Variants in SLC5A1 observed in about 807,000 individuals in gnomAD.
SLC5A1 encodes the protein sodium/glucose cotransporter 1.
A neutral mutation model predicts 73.5 loss-of-function variants in SLC5A1; 42 were observed. The observed-to-expected ratio is 0.57, with a 90% confidence interval of 0.45 to 0.74. The LOEUF is 0.74. SLC5A1 is among the 30% of genes least tolerant of loss of function. SLC5A1 has a pLI of 0.00. For missense variants in SLC5A1, 634 were observed against 855.4 expected (o/e 0.74, Z 3.23); for synonymous variants, 300 against 317.4 (o/e 0.95, Z 0.58).
intron 13 of SLC5A1, among the ~76,000 whole-genome samples, chr22:32,104,131 G>T (rs1161404623): frequency 6.6e-6 from 1 of 152,164 alleles, no homozygotes; most frequent in African/African-American, 2.4e-5. Context: ...GTCAAACAAA[G>T]ACTGCTTTTA....
In SLC5A1 at chr22:32,110,122, C is replaced by T; in HGVS notation, c.1904C>T (p.Thr635Ile). The change falls in exon 15 of 15, where the codon ACC becomes ATC. Residue 635 changes from threonine (T) to isoleucine (I), a missense_variant. Thr to Ile is a moderately conservative substitution (Grantham distance 89). This residue lies in a region of SLC5A1 where 161 missense variants were observed against 178.7 expected (regional missense o/e 0.90). Coordinates refer to ENST00000266088, the MANE Select transcript of SLC5A1 (RefSeq NM_000343.4). ...EKAMKMKMTD[T>I]SEKPLWRTVL... ...GCCATGAAGATGAAGATGACGGACA[C>T]CTCTGAGAAGCCTTTGTGGAGGACA... 6.2e-7 allele frequency: 1 copy of T among 1,614,152 alleles called. No homozygotes were observed.
At chr22:32,067,536 G>A (rs1258494171) in intron 3 of SLC5A1, among the ~76,000 whole-genome samples, 1 of 151,746 alleles carries the variant, frequency 6.6e-6, no homozygotes, top group South Asian at 2.1e-4. Context: ...CATGCTTGGC[G>A]AATTTTTTAA....
At position 32,110,160 on chromosome 22, in the gene SLC5A1, A is replaced by G; in HGVS notation, c.1942A>G (p.Asn648Asp). ...TTTGTGGAGGACAGTGTTGAACGTC[A>G]ATGGCATCATCCTGGTGACCGTGGC... The part of the protein sequence containing the change: ...KPLWRTVLNV[N>D]GIILVTVAVF... Residue 648 changes from asparagine to aspartate, a missense_variant, in exon 15 of 15, where the codon AAT becomes GAT. Transcript: ENST00000266088. 6.2e-7 allele frequency: 1 copy of G among 1,614,154 alleles called. No individual in the cohort carries two copies. Among genetic ancestry groups the G allele is most frequent in the Non-Finnish European group, 8.5e-7 (1 of 1,180,008 alleles).
intron 11 of SLC5A1, among the ~76,000 whole-genome samples, chr22:32,092,265 A>G (rs1406935970): frequency 2.0e-5 from 3 of 152,216 alleles, no homozygotes; most frequent in Non-Finnish European, 4.4e-5. Context: ...GTTGCTGCGA[A>G]TGCCATTAAT....
intron 5 of SLC5A1, among the ~76,000 whole-genome samples, chr22:32,073,514 T>C (rs1013674770): frequency 2.6e-5 from 4 of 152,138 alleles, no homozygotes; most frequent in African/African-American, 7.2e-5. Context: ...TCAGCCTCCT[T>C]TACTTTCTCC....
chr22:32,072,007 A>G (rs1244585923), intron 5 of SLC5A1, among the ~76,000 whole-genome samples: 1 of 152,144 alleles, frequency 6.6e-6, no homozygotes, highest in Non-Finnish European at 1.5e-5. Context: ...ACATTTTGCC[A>G]TTTTTGGTTC....
In SLC5A1 at chr22:32,082,012, G is replaced by C. The variant is rs768644367; in HGVS notation, c.583+41G>C. ...TAAACCAGCACCTCAAACCCAGCTCGGGATCAGGCACTAGTGAAGGATAAA... is the reference window on the plus strand; with the variant it reads ...TAAACCAGCACCTCAAACCCAGCTCCGGATCAGGCACTAGTGAAGGATAAA... On this transcript the variant is annotated intron_variant, in intron 6 of 14. Transcript: ENST00000266088. 2.4e-6 allele frequency: 3 copies of C among 1,255,640 alleles called. No individual in the cohort carries two copies. In the East Asian group the frequency reaches 6.9e-5, roughly 29 times the overall value. The allele number at this position is 1,255,640 out of a possible 1,614,324, so 77.8% of individuals were successfully genotyped here. A position where few individuals can be genotyped will look rare whatever the true frequency, so the allele number is the denominator to read the frequency against.
rs547420879 is a variant in SLC5A1 at position 32,044,423 on chromosome 22, G to A, written c.135+1007G>A. On this transcript the variant is annotated intron_variant, in intron 1 of 14. Coordinates refer to ENST00000266088, the MANE Select transcript of SLC5A1 (RefSeq NM_000343.4). Reference sequence around the variant, plus strand: ...CCCAGGGAGGCTGCTGTAGCAGCTGGTGATTGTGTTGAACTCTTTTGACTT... The same window carrying A: ...CCCAGGGAGGCTGCTGTAGCAGCTGATGATTGTGTTGAACTCTTTTGACTT... 1.6e-4 allele frequency among the ~76,000 whole-genome samples: 24 copies of A among 152,332 alleles called. No individual in the cohort carries two copies. In the South Asian group the frequency reaches 5.0e-3, roughly 32 times the overall value.
chr22:32,090,723 G>A (rs1312812506), intron 10 of SLC5A1, among the ~76,000 whole-genome samples: 2 of 151,678 alleles, frequency 1.3e-5, no homozygotes, highest in Admixed American at 1.3e-4. Context: ...TTTCTCTTGG[G>A]TAGAGAGAAA....
chr22:32,061,654 A>T (rs2093963217), intron 2 of SLC5A1, among the ~76,000 whole-genome samples: 1 of 152,176 alleles, frequency 6.6e-6, no homozygotes, highest in Non-Finnish European at 1.5e-5. Context: ...TGTTCCAAAT[A>T]ACAGAGAGGC....
intron 7 of SLC5A1, 135 bp downstream of exon 7, chr22:32,083,289 G>A: frequency 1.4e-6 from 1 of 727,950 alleles, no homozygotes. Flanking sequence ...CTTCCAAACG[G>A]AGGGTCCAGC....
intron 7 of SLC5A1, among the ~76,000 whole-genome samples, 191 bp from the exon 8 acceptor site, chr22:32,084,248 C>T (rs139707097): frequency 4.6e-4 from 70 of 152,364 alleles, no homozygotes; most frequent in African/African-American, 1.6e-3. Context: ...GGGGGCTGGG[C>T]AGGGCTACTA....
chr22:32,084,815 G>T, intron 8 of SLC5A1, 85 bp from the exon 9 acceptor site: 1 of 1,592,858 alleles, frequency 6.3e-7, no homozygotes, highest in South Asian at 1.1e-5. Flanking sequence ...CCAGGCCAAT[G>T]ACCCAAGATG....
chr22:32,067,852 TCC>T, intron 3 of SLC5A1, 113 bp from the exon 4 acceptor site: 1 of 1,061,930 alleles, frequency 9.4e-7, no homozygotes, highest in Non-Finnish European at 1.5e-6. Flanking sequence ...CTCTAACGGC[TCC>T]TTAGGGGAGA....
rs533623642 is a variant in SLC5A1 at position 32,071,727 on chromosome 22, T to TCTCA, written c.477+3128_477+3131dup. On this transcript the variant is annotated intron_variant, in intron 5 of 14. Coordinates refer to ENST00000266088, the MANE Select transcript of SLC5A1 (RefSeq NM_000343.4). ...AGCACCAAAGGCGAGATTGGTCCAATCTCAGTATCTTGCAAAAGATCTGCC... is the reference window on the plus strand; with the variant it reads ...AGCACCAAAGGCGAGATTGGTCCAATCTCACTCAGTATCTTGCAAAAGATCTGCC... 3.9e-5 allele frequency among the ~76,000 whole-genome samples: 6 copies of TCTCA among 152,190 alleles called. No individual in the cohort carries two copies. In the South Asian group the frequency reaches 1.2e-3, roughly 32 times the overall value.
intron 14 of SLC5A1, among the ~76,000 whole-genome samples, chr22:32,108,616 G>T (rs2094050571): frequency 6.6e-6 from 1 of 152,130 alleles, no homozygotes; most frequent in Non-Finnish European, 1.5e-5. Flanking sequence ...AGTATTTTGA[G>T]TGTCAAAAGG....
At chr22:32,073,594 T>C (rs1028262908) in intron 5 of SLC5A1, among the ~76,000 whole-genome samples, 4 of 152,316 alleles carry the variant, frequency 2.6e-5, no homozygotes, top group South Asian at 2.1e-4. Flanking sequence ...TTCACTCTCG[T>C]TGCCCAGGCT....
intron 12 of SLC5A1, among the ~76,000 whole-genome samples, chr22:32,100,159 A>G (rs1239603626): frequency 6.6e-6 from 1 of 152,216 alleles, no homozygotes; most frequent in Non-Finnish European, 1.5e-5. Context: ...CACCTGGCTC[A>G]AGGAGAGTTT....
At chr22:32,085,546 C>CT (rs35772243) in intron 9 of SLC5A1, among the ~76,000 whole-genome samples, 7,132 of 119,098 alleles carry the variant, frequency 0.06, 274 homozygotes, top group Non-Finnish European at 0.084. Flanking sequence ...TTGTTTCCTC[C>CT]TTTTTTTTTT....
Sources: allele counts gnomAD v4.1 joint callset (sites outside exome capture counted in the v4.1 genomes callset), GRCh38; gene constraint gnomAD v4.1.1; regional missense constraint gnomAD v4.1.1; transcripts MANE v1.5; gene names NCBI Gene and HGNC (gene_info 2026-07-23, HGNC 2026-07-21).